The following IQCH variants were observed in gnomAD, a reference collection of about 807,000 sequenced individuals.
IQCH encodes IQ domain-containing protein H.
A neutral mutation model predicts 117.0 loss-of-function variants in IQCH; 98 were observed. The ratio of observed to expected loss-of-function variants is 0.84; its 90% CI spans 0.71 to 0.99. The LOEUF (loss-of-function observed/expected upper bound fraction) is 0.99, where lower values mean the gene tolerates loss of function less well. IQCH is among the 50% of genes least tolerant of loss of function. IQCH has a pLI of 0.00. For missense variants in IQCH, 1,102 were observed against 1,243.8 expected, an observed-to-expected ratio of 0.89 and a Z score of 1.72; for synonymous variants, 412 against 448.2, an observed-to-expected ratio of 0.92 and a Z score of 1.02.
At chr15:67,345,885 A>C (rs1969365066) in intron 6 of IQCH, among the ~76,000 whole-genome samples, 1 of 152,220 alleles carries the variant, frequency 6.6e-6, no homozygotes, top group South Asian at 2.1e-4. Flanking sequence ...GTAATGGAAT[A>C]TGTTAACATT....
At chr15:67,428,664 T>C (rs2140936616) in intron 16 of IQCH, among the ~76,000 whole-genome samples, 1 of 151,878 alleles carries the variant, frequency 6.6e-6, no homozygotes, top group African/African-American at 2.4e-5. Flanking sequence ...GCCTGACCAA[T>C]ATGGTGAAAC....
chr15:67,385,758 A>G lies in IQCH; in HGVS notation c.1456+739A>G, dbSNP rs1256944203. Among the ~76,000 whole-genome samples the G allele has an allele frequency of 6.6e-6, 1 of 152,186 alleles. No individual in the cohort carries two copies. Among genetic ancestry groups the G allele is most frequent in the Non-Finnish European group, 1.5e-5 (1 of 68,040 alleles). On this transcript the variant is annotated intron_variant, in intron 11 of 20. Coordinates refer to ENST00000335894, the MANE Select transcript of IQCH (RefSeq NM_001031715.3). This position sits in a 1 kb window ranked among gnomAD's most constrained non-coding sequence, Gnocchi z 4.6. ...ATAACATTGAATCTGTTTGTGAGAT[A>G]CTTGCCAAAAATTCAAGGTTACACA...
chr15:67,435,039 T>G (rs1452773902), intron 16 of IQCH, among the ~76,000 whole-genome samples: 1 of 151,394 alleles, frequency 6.6e-6, no homozygotes, highest in Non-Finnish European at 1.5e-5. Context: ...GTATTTTTAG[T>G]AGAGATGGGG....
rs375566840 is a variant in IQCH at position 67,263,164 on chromosome 15, T to A, written c.217T>A (p.Leu73Ile). The A allele has an allele frequency of 1.3e-6, 2 of 1,584,332 alleles. No homozygotes were observed. Among genetic ancestry groups the A allele is most frequent in the Non-Finnish European group, 1.7e-6 (2 of 1,153,146 alleles). ...KYLNVVNQNV[L>I]TTSVNDESLY... The stretch of plus-strand genomic sequence containing the variant: ...TTTAAATGTTGTAAACCAGAATGTA[T>A]TAACGACTTCTGTTAATGATGAGAG... The change falls in exon 3 of 21, where the codon TTA (leucine) becomes ATA (isoleucine). Residue 73 changes from leucine (L) to isoleucine (I), a missense_variant. By Grantham distance (5) the Leu-to-Ile change is conservative. Around this residue, in one of 2 missense-constraint regions of IQCH, gnomAD observed 452 missense variants for 449.6 expected, o/e 1.01. Transcript: ENST00000335894.
chr15:67,360,820 A>T (rs1201333024), intron 8 of IQCH, among the ~76,000 whole-genome samples: 2 of 152,242 alleles, frequency 1.3e-5, no homozygotes, highest in Non-Finnish European at 2.9e-5. Flanking sequence ...ATCAATGATT[A>T]CATACAGTCC....
Position 67,372,304 on chromosome 15 carries a change from A to T in IQCH, c.947A>T (p.Glu316Val). 1 of 1,614,136 alleles carries T rather than the reference A, an allele frequency of 6.2e-7. No homozygotes were observed. Among genetic ancestry groups the T allele is most frequent in the Non-Finnish European group, 8.5e-7 (1 of 1,180,018 alleles). Residue 316 changes from glutamate (E) to valine (V), a missense_variant, in exon 9 of 21, where the codon GAA (glutamate) becomes GTA (valine). Glu to Val is a moderately radical substitution (Grantham distance 121, BLOSUM62 -2). Transcript: ENST00000335894. ...EKFLRNYAIPEVKIKGNNLVA... is the reference protein window; with the variant it reads ...EKFLRNYAIPVVKIKGNNLVA... ...TTTCTCAGGAACTATGCTATACCAG[A>T]AGTCAAAATAAAAGGGAATAATTTG...
chr15:67,344,265 T>A, intron 6 of IQCH, 74 bp downstream of exon 6: 1 of 1,449,558 alleles, frequency 6.9e-7, no homozygotes. Context: ...AGCCTTCTAG[T>A]AGCCAACTTT....
At chr15:67,283,286 C>G (rs997129890) in intron 4 of IQCH, among the ~76,000 whole-genome samples, 5 of 152,174 alleles carry the variant, frequency 3.3e-5, no homozygotes, top group African/African-American at 1.2e-4. Context: ...CCACTCATTC[C>G]CCTTTGTAAT....
intron 17 of IQCH, among the ~76,000 whole-genome samples, chr15:67,468,494 G>A (rs2082988530): frequency 6.6e-6 from 1 of 152,202 alleles, no homozygotes; most frequent in South Asian, 2.1e-4. Flanking sequence ...TGCTGCTACT[G>A]TAATTATGTA....
Position 67,500,899 on chromosome 15 carries a change from A to T in IQCH, c.*153A>T. On this transcript the variant is annotated 3_prime_UTR_variant, in exon 21 of 21. Coordinates refer to ENST00000335894, the MANE Select transcript of IQCH (RefSeq NM_001031715.3). This position sits in a 1 kb window ranked among gnomAD's most constrained non-coding sequence, Gnocchi z 4.4. ...ATTATAATGAAATGCTCTTTTTAAA[A>T]CATTGTTTATTAAGTGATCTTATTT... 1 of 431,262 alleles carries T rather than the reference A, an allele frequency of 2.3e-6. No individual in the cohort carries two copies. The highest frequency in any genetic ancestry group is 4.2e-6 in the Non-Finnish European group (1 of 235,966). 26.7% of individuals were successfully genotyped at this position (431,262 alleles called of 1,614,324 possible).
In IQCH at chr15:67,400,137, G is replaced by GAT; in HGVS notation, c.1931_1932dup (p.Thr645Ter). The GAT allele has an allele frequency of 1.2e-6, 2 of 1,613,886 alleles. No homozygotes were observed. Among genetic ancestry groups the GAT allele is most frequent in the Non-Finnish European group, 1.7e-6 (2 of 1,179,880 alleles). ...AGATGATAGAGCAGCTGAGTCAGCT[G>GAT]ATAACTGATCACCTGCAAATACAGC... On this transcript the variant is annotated frameshift_variant, in exon 14 of 21. Transcript: ENST00000335894. LOFTEE classifies it high-confidence loss of function.
In IQCH at chr15:67,365,192, T is replaced by A. The variant is rs1385887472; in HGVS notation, c.753+5307T>A. The stretch of plus-strand genomic sequence containing the variant: ...AACTCGTGGACTCAAGTGATCTGCC[T>A]GCCTTGACCTCCCAAAGTGCTGGGA... On this transcript the variant is annotated intron_variant, in intron 8 of 20. Transcript: ENST00000335894. This position sits in a 1 kb window ranked among gnomAD's most constrained non-coding sequence, Gnocchi z 4.4. Among the ~76,000 whole-genome samples, 1 of 152,160 alleles carries A rather than the reference T, an allele frequency of 6.6e-6. No individual in the cohort carries two copies. The highest frequency in any genetic ancestry group is 1.9e-4 in the East Asian group (1 of 5,190).
rs1376072831 is a variant in IQCH, at chr15:67,459,005, T to C, written c.2506-6122T>C. 6.6e-6 allele frequency among the ~76,000 whole-genome samples: 1 copy of C among 152,194 alleles called. No homozygotes were observed. Among genetic ancestry groups the C allele is most frequent in the Non-Finnish European group, 1.5e-5 (1 of 68,034 alleles). On this transcript the variant is annotated intron_variant, in intron 16 of 20. Coordinates refer to ENST00000335894, the MANE Select transcript of IQCH (RefSeq NM_001031715.3). This position sits in a 1 kb window ranked among gnomAD's most constrained non-coding sequence, Gnocchi z 4.2. ...TATACACAATTCCCTGTTAGCCTCA[T>C]AGATACATCTGGAGGCAACAGAGGG...
chr15:67,296,896 C>A (rs968918718), intron 4 of IQCH, among the ~76,000 whole-genome samples: 1 of 152,212 alleles, frequency 6.6e-6, no homozygotes, highest in African/African-American at 2.4e-5. Flanking sequence ...TGTGACCACA[C>A]TCACCTGTTC....
chr15:67,322,861 A>G (rs1461194166), intron 4 of IQCH, among the ~76,000 whole-genome samples: 1 of 152,092 alleles, frequency 6.6e-6, no homozygotes, highest in African/African-American at 2.4e-5. Context: ...ATGGACTCAG[A>G]ATGGGGAGTG....
Position 67,424,871 on chromosome 15 carries a change from A to G in IQCH, c.2505+3294A>G, listed in dbSNP as rs766003496. On this transcript the variant is annotated intron_variant, in intron 16 of 20. Transcript: ENST00000335894. The surrounding 1 kb of genome is among the most constrained non-coding windows in gnomAD (Gnocchi z 4.9). ...AGAAGTATGTTTGTTCTCTGTATAT[A>G]ATAAATTATTTACAAATCACTGGCA... 8.5e-5 allele frequency among the ~76,000 whole-genome samples: 13 copies of G among 152,230 alleles called. No homozygotes were observed. The highest frequency in any genetic ancestry group is 1.6e-4 in the Non-Finnish European group (11 of 68,044).
At chr15:67,328,783 A>G (rs1057125473) in intron 4 of IQCH, among the ~76,000 whole-genome samples, 2 of 152,242 alleles carry the variant, frequency 1.3e-5, no homozygotes, top group Non-Finnish European at 2.9e-5. Context: ...GAAAAAAGCC[A>G]GATACAAAAG....
intron 3 of IQCH, among the ~76,000 whole-genome samples, chr15:67,272,735 A>T (rs1187613591): frequency 1.3e-5 from 2 of 152,118 alleles, no homozygotes; most frequent in African/African-American, 4.8e-5. Context: ...TCTATGTATA[A>T]TTACTCCTCT....
Position 67,426,981 on chromosome 15 carries a change from C to T in IQCH, c.2505+5404C>T, listed in dbSNP as rs74893025. Reference sequence around the variant, plus strand: ...AGCCTGGGCAACAGAGACCCAGTATCCAAAAAAAAAAAAGAAGAAGAAAAT... The same window carrying T: ...AGCCTGGGCAACAGAGACCCAGTATTCAAAAAAAAAAAAGAAGAAGAAAAT... On this transcript the variant is annotated intron_variant, in intron 16 of 20. Coordinates refer to ENST00000335894, the MANE Select transcript of IQCH (RefSeq NM_001031715.3). The surrounding 1 kb of genome is among the most constrained non-coding windows in gnomAD (Gnocchi z 5.1). Among the ~76,000 whole-genome samples the T allele has an allele frequency of 2.7e-5, 4 of 148,914 alleles. No homozygotes were observed. Among genetic ancestry groups the T allele is most frequent in the Non-Finnish European group, 4.5e-5 (3 of 67,382 alleles).
Sources: allele counts gnomAD v4.1 joint callset (sites outside exome capture counted in the v4.1 genomes callset), GRCh38; gene constraint gnomAD v4.1.1; regional missense constraint gnomAD v4.1.1; non-coding constraint Gnocchi (gnomAD v3.1); transcripts MANE v1.5; gene names NCBI Gene and HGNC (gene_info 2026-07-23, HGNC 2026-07-21).